The following SP140 variants were observed in gnomAD, a reference collection of about 807,000 sequenced individuals.
SP140 encodes SP140 nuclear body protein, also known as nuclear body protein SP140.
SP140 carries 81 observed loss-of-function variants against 125.0 expected under a neutral mutation model. The ratio of observed to expected loss-of-function variants is 0.65; its 90% confidence interval spans 0.54 to 0.78. The LOEUF is 0.78. Among genes scored for constraint, SP140 ranks in the 30% least tolerant of loss-of-function variants. The pLI is 0.00. For synonymous variants in SP140, 312 were observed against 354.0 expected (o/e 0.88, Z 1.33); for missense variants, 858 against 1,037.0 (o/e 0.83, Z 2.37).
intron 10 of SP140, among the ~76,000 whole-genome samples, chr2:230,252,605 C>T (rs1158249106): frequency 6.6e-6 from 1 of 152,158 alleles, no homozygotes; most frequent in African/African-American, 2.4e-5. Context: ...AGGTTTCTGA[C>T]AGTCTCTATC....
Position 230,245,922 on chromosome 2 carries a change from C to G in SP140, c.724C>G (p.Leu242Val), listed in dbSNP as rs1343301619. ...AGAATCAGAAGAAATGCCCAAGTTA[C>G]TGCCTTATGATACAGAAGGTAATTA... is the stretch of plus-strand genomic sequence containing the variant. The part of the protein sequence containing the change: ...EGESEEMPKL[L>V]PYDTEVLESN... Residue 242 changes from leucine (L) to valine (V), a missense_variant, in exon 7 of 27, where the codon CTG becomes GTG. Coordinates refer to ENST00000392045, the MANE Select transcript of SP140 (RefSeq NM_007237.5). 6.3e-7 allele frequency: 1 copy of G among 1,599,734 alleles called. No homozygotes were observed. The highest frequency in any genetic ancestry group is 8.6e-7 in the Non-Finnish European group (1 of 1,166,928).
At chr2:230,282,726 G>T (rs1473054725) in intron 15 of SP140, among the ~76,000 whole-genome samples, 1 of 152,240 alleles carries the variant, frequency 6.6e-6, no homozygotes, top group Non-Finnish European at 1.5e-5. Flanking sequence ...ATGTGAGGGA[G>T]GCAAGTTAGT....
At position 230,203,892 on chromosome 2, in the gene SP140, TAA is replaced by T. The variant is rs1304516154; in HGVS notation, c.-323+616_-323+617del. Among the ~76,000 whole-genome samples the T allele has an allele frequency of 9.9e-5, 15 of 152,260 alleles. 1 individual carries two copies. The South Asian group carries it at 3.1e-3, about 32-fold the overall frequency. ...GGTACAGGGTTTTAGTTTTACAAGA[TAA>T]AAGAGTCCTGGAGATGGATGGTGGT... On this transcript the variant is annotated intron_variant, in intron 1 of 4. Coordinates refer to the SP140 transcript ENST00000456542.
intron 1 of SP140, among the ~76,000 whole-genome samples, chr2:230,209,060 T>C (rs1447389817): frequency 6.6e-6 from 1 of 152,204 alleles, no homozygotes; most frequent in Non-Finnish European, 1.5e-5. Flanking sequence ...GAAAAATATA[T>C]TTTTGATTCT....
At chr2:230,194,998 G>A in the SP140 span, among the ~76,000 whole-genome samples, 1 of 151,982 alleles carries the variant, frequency 6.6e-6, no homozygotes, top group Non-Finnish European at 1.5e-5. Flanking sequence ...CAGGTGAGGG[G>A]CCTGATAAAC....
chr2:230,286,240 C>T (rs1318259642), intron 17 of SP140, among the ~76,000 whole-genome samples: 1 of 152,212 alleles, frequency 6.6e-6, no homozygotes, highest in African/African-American at 2.4e-5. Flanking sequence ...CTTTTAAAAA[C>T]AGTAAGAGTC....
chr2:230,296,585 C>T (rs1221085072), intron 21 of SP140, among the ~76,000 whole-genome samples: 1 of 152,196 alleles, frequency 6.6e-6, no homozygotes. Flanking sequence ...AGCTGCAGCA[C>T]AGAGGACCTT....
At chr2:230,263,463 G>A (rs1379332372) in intron 12 of SP140, among the ~76,000 whole-genome samples, 2 of 152,132 alleles carry the variant, frequency 1.3e-5, no homozygotes, top group African/African-American at 4.8e-5. Flanking sequence ...TTCAATGTTA[G>A]TATTAAAATG....
chr2:230,215,342 T>C (rs1003754754), intron 3 of SP140, among the ~76,000 whole-genome samples: 2 of 152,226 alleles, frequency 1.3e-5, no homozygotes, highest in African/African-American at 4.8e-5. Context: ...ATAAATAATT[T>C]AGCTTTCTTA....
intron 21 of SP140, 98 bp downstream of exon 21, chr2:230,294,416 T>A: frequency 1.1e-6 from 1 of 910,902 alleles, no homozygotes; most frequent in Non-Finnish European, 1.7e-6. Context: ...TAGGAATAAT[T>A]AAGCTTTCAC....
chr2:230,209,837 A>G, intron 1 of SP140: 1 of 805,672 alleles, frequency 1.2e-6, no homozygotes, highest in Non-Finnish European at 2.2e-6. Flanking sequence ...GACTGTGGTC[A>G]CATAGTGGTG....
chr2:230,207,624 G>A (rs2044013996), intron 1 of SP140, among the ~76,000 whole-genome samples: 1 of 152,168 alleles, frequency 6.6e-6, no homozygotes, highest in Non-Finnish European at 1.5e-5. Flanking sequence ...AAATTGAAGA[G>A]TGGGCCTTGA....
At chr2:230,234,314 C>G (rs1214887685) in intron 1 of SP140, among the ~76,000 whole-genome samples, 1 of 152,160 alleles carries the variant, frequency 6.6e-6, no homozygotes, top group Non-Finnish European at 1.5e-5. Flanking sequence ...CATGCCTAAC[C>G]AGGTGCTGCC....
chr2:230,293,189 G>T (rs1054638138), intron 20 of SP140, among the ~76,000 whole-genome samples: 1 of 152,224 alleles, frequency 6.6e-6, no homozygotes, highest in Non-Finnish European at 1.5e-5. Context: ...AGGTAGCACA[G>T]GTTGTGTGCA....
At chr2:230,243,511 A>T (rs558317390) in intron 4 of SP140, among the ~76,000 whole-genome samples, 1 of 152,262 alleles carries the variant, frequency 6.6e-6, no homozygotes, top group East Asian at 1.9e-4. Context: ...TGGGAAAGAG[A>T]ACAAGGTATA....
chr2:230,190,959 C>G, the SP140 span, among the ~76,000 whole-genome samples: 1 of 152,160 alleles, frequency 6.6e-6, no homozygotes, highest in Non-Finnish European at 1.5e-5. Flanking sequence ...GTTACTGTAG[C>G]CTTGTCGTAT....
chr2:230,219,875 T>A, intron 3 of SP140: 2 of 976,212 alleles, frequency 2.0e-6, no homozygotes, highest in Non-Finnish European at 2.4e-6. Flanking sequence ...GAAACTCACC[T>A]GGACTTTGAG....
upstream of SP140, among the ~76,000 whole-genome samples, chr2:230,221,281 G>GAA (rs113981247): frequency 3.6e-5 from 3 of 82,648 alleles, no homozygotes; most frequent in Non-Finnish European, 5.0e-5. Context: ...ACTCCATCTC[G>GAA]AAAAAAAAAA....
chr2:230,251,032 C>G lies in SP140; in HGVS notation c.1028C>G (p.Ala343Gly). The G allele has an allele frequency of 6.2e-7, 1 of 1,613,658 alleles. No homozygotes were observed. The highest frequency in any genetic ancestry group is 8.5e-7 in the Non-Finnish European group (1 of 1,179,794). The change falls in exon 10 of 27, where the codon GCC (alanine) becomes GGC (glycine). Residue 343 changes from alanine to glycine, a missense_variant. Physicochemically the swap from Ala to Gly is moderately conservative, Grantham distance 60. Around this residue, in one of 4 missense-constraint regions of SP140, gnomAD observed 791 missense variants for 869.5 expected, o/e 0.91. Coordinates refer to ENST00000392045, the MANE Select transcript of SP140 (RefSeq NM_007237.5). ...EMCDGEEPQE[A>G]SSSLARCGSV... ...TGTGATGGAGAAGAGCCCCAGGAAG[C>G]CTCTAGCTCCCTAGCAAGATGTGGG...
Sources: allele counts gnomAD v4.1 joint callset (sites outside exome capture counted in the v4.1 genomes callset), GRCh38; gene constraint gnomAD v4.1.1; regional missense constraint gnomAD v4.1.1; transcripts MANE v1.5; gene names NCBI Gene and HGNC (gene_info 2026-07-23, HGNC 2026-07-21).